Variants in ARHGAP39 observed in about 807,000 individuals in gnomAD.
ARHGAP39 encodes rho GTPase-activating protein 39.
In ARHGAP39, 44 loss-of-function variants were observed where a neutral mutation model predicts 106.9. The ratio of observed to expected loss-of-function variants is 0.41; its 90% CI spans 0.32 to 0.53. The LOEUF (loss-of-function observed/expected upper bound fraction) is 0.53. ARHGAP39 is among the 20% of genes least tolerant of loss of function. The probability of loss-of-function intolerance (pLI) is 0.21; values close to 1 mark genes in which losing one functional copy is unlikely to be tolerated. For synonymous variants in ARHGAP39, 768 were observed against 693.2 expected (o/e 1.11, Z -1.69); for missense variants, 1,496 against 1,577.3 (o/e 0.95, Z 0.87).
chr8:144,555,699 C>G (rs1817891261), intron 3 of ARHGAP39, 56 bp from the exon 4 acceptor site: 3 of 1,457,628 alleles, frequency 2.1e-6, no homozygotes, highest in Non-Finnish European at 1.9e-6. Flanking sequence ...TTTACCATAA[C>G]CAGCCACTCC....
intron 1 of ARHGAP39, among the ~76,000 whole-genome samples, chr8:144,656,044 C>A (rs1171819606): frequency 2.6e-5 from 4 of 152,140 alleles, no homozygotes; most frequent in Non-Finnish European, 4.4e-5. Context: ...AACAAAGATT[C>A]TTTTCTTCCT....
Position 144,587,935 on chromosome 8 carries a change from G to A in ARHGAP39, c.81-6658C>T, listed in dbSNP as rs139671771. Among the ~76,000 whole-genome samples the A allele has an allele frequency of 4.4e-3, 669 of 152,286 alleles. 29 individuals carry two copies. The East Asian group carries it at 0.087, about 20-fold the overall frequency. ...TGGGATTACAGGCGTGAGCCACCGC[G>A]CCCGGCCAGAAGAAACATTTTTACA... On this transcript the variant is annotated intron_variant, in intron 2 of 11. Transcript: ENST00000377307.
At chr8:144,603,415 G>A (rs927545998) in intron 2 of ARHGAP39, among the ~76,000 whole-genome samples, 1 of 152,084 alleles carries the variant, frequency 6.6e-6, no homozygotes, top group Admixed American at 6.5e-5. Flanking sequence ...GTGTGCTCAG[G>A]CCAAAAAGCA....
chr8:144,673,618 C>T (rs916791228), intron 1 of ARHGAP39, among the ~76,000 whole-genome samples: 1 of 152,214 alleles, frequency 6.6e-6, no homozygotes, highest in African/African-American at 2.4e-5. Flanking sequence ...TTCACATAAA[C>T]GGAATTGTCA....
intron 2 of ARHGAP39, among the ~76,000 whole-genome samples, chr8:144,599,989 G>A (rs968220761): frequency 5.3e-5 from 8 of 152,224 alleles, no homozygotes; most frequent in South Asian, 2.1e-4. Flanking sequence ...TGGGAGGGAC[G>A]GGACTGGGGC....
At chr8:144,674,005 GCCAGGAA>G (rs1822168714) in intron 1 of ARHGAP39, among the ~76,000 whole-genome samples, 1 of 152,230 alleles carries the variant, frequency 6.6e-6, no homozygotes, top group Admixed American at 6.5e-5. Context: ...GCTTGGAGAT[GCCAGGAA>G]CCACAGAACC....
In ARHGAP39 at chr8:144,586,693, A is replaced by G. The variant is rs1237462729; in HGVS notation, c.81-5416T>C. Among the ~76,000 whole-genome samples, 1 of 152,180 alleles carries G rather than the reference A, an allele frequency of 6.6e-6. No homozygotes were observed. The highest frequency in any genetic ancestry group is 1.5e-5 in the Non-Finnish European group (1 of 68,016). ...TCCAGGCACCGGGTCCCATGCTGAC[A>G]CAGGGCTCAGAGCCTGCCCAGGGAA... On this transcript the variant is annotated intron_variant, in intron 2 of 11. Transcript: ENST00000377307. This position sits in a 1 kb window ranked among gnomAD's most constrained non-coding sequence, Gnocchi z 4.2.
At chr8:144,577,373 G>C (rs944059782) in intron 3 of ARHGAP39, among the ~76,000 whole-genome samples, 2 of 152,136 alleles carry the variant, frequency 1.3e-5, no homozygotes, top group Non-Finnish European at 2.9e-5. Context: ...TACAGAAAAG[G>C]CATTGACAAA....
chr8:144,584,098 T>C (rs1462649887), intron 2 of ARHGAP39: 2 of 152,376 alleles, frequency 1.3e-5, no homozygotes, highest in East Asian at 3.9e-4. Context: ...TGTTTACATG[T>C]ATATAGTTGT....
intron 4 of ARHGAP39, among the ~76,000 whole-genome samples, chr8:144,553,379 T>C (rs1010040878): frequency 6.6e-6 from 1 of 152,212 alleles, no homozygotes; most frequent in African/African-American, 2.4e-5. Flanking sequence ...AGTGCAACTC[T>C]GGCGAGCGTG....
chr8:144,589,889 G>C (rs987203885), intron 2 of ARHGAP39, among the ~76,000 whole-genome samples: 1 of 152,262 alleles, frequency 6.6e-6, no homozygotes, highest in African/African-American at 2.4e-5. Context: ...GAGGGGCACA[G>C]AGGGGCGTGA....
At chr8:144,542,326 G>A (rs972266038) in intron 6 of ARHGAP39, among the ~76,000 whole-genome samples, 11 of 152,214 alleles carry the variant, frequency 7.2e-5, no homozygotes, top group African/African-American at 2.7e-4. Context: ...GCATCACCTC[G>A]TGGGGCCTCA....
At chr8:144,537,949 T>C (rs1227217476) in intron 6 of ARHGAP39, 136 bp from the exon 7 acceptor site, 1 of 731,924 alleles carries the variant, frequency 1.4e-6, no homozygotes, top group African/African-American at 1.8e-5. Flanking sequence ...GGGCTGAGCG[T>C]TTCTGGGGGG....
chr8:144,577,261 G>C (rs1022740757), intron 3 of ARHGAP39, among the ~76,000 whole-genome samples: 3 of 152,128 alleles, frequency 2.0e-5, no homozygotes, highest in Admixed American at 2.0e-4. Context: ...TGTGACAACC[G>C]GAATACACGC....
intron 1 of ARHGAP39, among the ~76,000 whole-genome samples, chr8:144,663,639 G>C (rs1821889349): frequency 6.6e-6 from 1 of 152,106 alleles, no homozygotes; most frequent in Admixed American, 6.5e-5. Flanking sequence ...CTCAGCCCCA[G>C]GTACCCTCTC....
intron 1 of ARHGAP39, among the ~76,000 whole-genome samples, chr8:144,624,183 C>A (rs1820879277): frequency 6.6e-6 from 1 of 152,240 alleles, no homozygotes; most frequent in Admixed American, 6.5e-5. Context: ...CCCACCTGCA[C>A]CTGTGCCTGC....
At chr8:144,603,551 G>T (rs1459064386) in intron 2 of ARHGAP39, among the ~76,000 whole-genome samples, 1 of 151,972 alleles carries the variant, frequency 6.6e-6, no homozygotes, top group Admixed American at 6.6e-5. Flanking sequence ...TTAGCCGGGC[G>T]TGGTGGTGCG....
chr8:144,576,070 C>T (rs1049201245), intron 3 of ARHGAP39, among the ~76,000 whole-genome samples: 5 of 152,102 alleles, frequency 3.3e-5, no homozygotes, highest in Admixed American at 6.5e-5. Context: ...TGGTGGCTCA[C>T]GCCTGTAATC....
At chr8:144,595,817 T>C (rs1345010981) in intron 2 of ARHGAP39, among the ~76,000 whole-genome samples, 2 of 152,158 alleles carry the variant, frequency 1.3e-5, no homozygotes, top group African/African-American at 4.8e-5. Context: ...GCACAGCTCC[T>C]GGCTGTACAG....
Sources: gnomAD v4.1 joint callset for allele counts (sites outside exome capture counted in the v4.1 genomes callset) on GRCh38, gnomAD v4.1.1 for gene constraint, Gnocchi (gnomAD v3.1) non-coding constraint, MANE v1.5 for transcripts, NCBI Gene and HGNC (gene_info 2026-07-23, HGNC 2026-07-21) for gene names.